Variants in ARMC1 observed in about 807,000 individuals in gnomAD.
The protein encoded by ARMC1 is armadillo repeat-containing protein 1.
ARMC1 carries 16 observed loss-of-function variants against 31.4 expected under a neutral mutation model. The observed-to-expected ratio is 0.51, with a 90% confidence interval of 0.34 to 0.77. The LOEUF is 0.77. Ranked by LOEUF, ARMC1 falls within the 30% of genes least tolerant of loss-of-function variation. The pLI is 0.01. For missense variants in ARMC1, 259 were observed against 347.5 expected (o/e 0.75, Z 2.02); for synonymous variants, 114 against 118.9 (o/e 0.96, Z 0.27).
chr8:65,623,306 T>TAAAAAAAAAAAAAA (rs1563418760), intron 2 of ARMC1, among the ~76,000 whole-genome samples: 1 of 2,662 alleles, frequency 3.8e-4, no homozygotes, highest in African/African-American at 6.8e-3. Context: ...AGACTCCGTC[T>TAAAAAAAAAAAAAA]CAAAAAAAAA....
At chr8:65,604,623 C>A (rs967547192) in intron 6 of ARMC1, 38 bp from the exon 7 acceptor site, 2 of 1,574,466 alleles carry the variant, frequency 1.3e-6, no homozygotes, top group Non-Finnish European at 8.7e-7. Context: ...ACAAAATCAA[C>A]TTTACTCCTT....
At chr8:65,608,080 C>G (rs1340893905) in intron 4 of ARMC1, among the ~76,000 whole-genome samples, 1 of 152,008 alleles carries the variant, frequency 6.6e-6, no homozygotes, top group Non-Finnish European at 1.5e-5. Context: ...GATCATTCTC[C>G]TGGATTTTCT....
chr8:65,615,650 C>T (rs547461114), intron 3 of ARMC1, among the ~76,000 whole-genome samples: 12 of 151,852 alleles, frequency 7.9e-5, no homozygotes, highest in Admixed American at 2.0e-4. Flanking sequence ...GAGGTTGCAG[C>T]GAGCCAAGAT....
At chr8:65,618,907 G>C (rs1348190719) in intron 3 of ARMC1, among the ~76,000 whole-genome samples, 1 of 152,052 alleles carries the variant, frequency 6.6e-6, no homozygotes. Flanking sequence ...GCCGGGCGTG[G>C]TGGCACGTAC....
chr8:65,622,799 A>C (rs1166155643), intron 2 of ARMC1, among the ~76,000 whole-genome samples: 2 of 151,832 alleles, frequency 1.3e-5, no homozygotes, highest in Non-Finnish European at 2.9e-5. Context: ...TGAGGTGGGC[A>C]GATCAAGACC....
chr8:65,604,318 G>T lies in ARMC1; in HGVS notation c.*76C>A. On this transcript the variant is annotated 3_prime_UTR_variant, in exon 7 of 7. Transcript: ENST00000276569. ...TTTTCATGATAACTTATTGCAAATT[G>T]CACTTGACAGTTCACCACAACAATG... is the stretch of plus-strand genomic sequence containing the variant. 1 of 1,369,832 alleles carries T rather than the reference G, an allele frequency of 7.3e-7. No homozygotes were observed. Among genetic ancestry groups the T allele is most frequent in the Non-Finnish European group, 1.0e-6 (1 of 993,934 alleles). The allele number at this position is 1,369,832 out of a possible 1,614,324, so 84.9% of individuals were successfully genotyped here. A position where few individuals can be genotyped will look rare whatever the true frequency, so the allele number is the denominator to read the frequency against.
At position 65,603,054 on chromosome 8, in the gene ARMC1, G is replaced by A. The variant is rs1483326861; in HGVS notation, c.*1340C>T. ...AAATAGTAAAATAGCAGCTCTACAT[G>A]TTGATGAAAAGAAATTTCAATTTCT... On this transcript the variant is annotated 3_prime_UTR_variant, in exon 7 of 7. Coordinates refer to ENST00000276569, the MANE Select transcript of ARMC1 (RefSeq NM_018120.6). The A allele has an allele frequency of 6.6e-6, 1 of 151,974 alleles. No homozygotes were observed. The highest frequency in any genetic ancestry group is 1.5e-5 in the Non-Finnish European group (1 of 67,986). 9.4% of individuals were successfully genotyped at this position (151,974 alleles called of 1,614,324 possible). A position where few individuals can be genotyped will look rare whatever the true frequency, so the allele number is the denominator to read the frequency against.
At chr8:65,615,179 T>G (rs956637536) in intron 3 of ARMC1, among the ~76,000 whole-genome samples, 1 of 152,192 alleles carries the variant, frequency 6.6e-6, no homozygotes, top group Non-Finnish European at 1.5e-5. Flanking sequence ...TCTGAGCCAC[T>G]GTTGACCACA....
rs757871320 is a variant in ARMC1, at chr8:65,634,100, GC to G, written c.-139del. The G allele has an allele frequency of 3.9e-4, 59 of 152,410 alleles. 1 individual carries two copies. Among genetic ancestry groups the G allele is most frequent in the Non-Finnish European group, 1.8e-4 (12 of 68,156 alleles). The allele number at this position is 152,410 out of a possible 1,614,324, so 9.4% of individuals were successfully genotyped here. A position where few individuals can be genotyped will look rare whatever the true frequency, so the allele number is the denominator to read the frequency against. Reference sequence around the variant, plus strand: ...CGCGGAGCGAGCCCTTCGGTTCGCAGCCCCGGCCGCGGCGATCGCAAGCAAC... The same window carrying G: ...CGCGGAGCGAGCCCTTCGGTTCGCAGCCCGGCCGCGGCGATCGCAAGCAAC... On this transcript the variant is annotated 5_prime_UTR_variant, in exon 1 of 7. Coordinates refer to ENST00000276569, the MANE Select transcript of ARMC1 (RefSeq NM_018120.6).
intron 3 of ARMC1, among the ~76,000 whole-genome samples, chr8:65,616,153 C>T (rs934230125): frequency 2.0e-5 from 3 of 152,224 alleles, no homozygotes; most frequent in African/African-American, 7.2e-5. Context: ...TCTCCCCTCT[C>T]CCCTCTTCCC....
chr8:65,606,561 C>G (rs752769199), intron 4 of ARMC1, among the ~76,000 whole-genome samples: 2 of 152,130 alleles, frequency 1.3e-5, no homozygotes, highest in Non-Finnish European at 2.9e-5. Flanking sequence ...ATTGCATTCT[C>G]AAGGGTTAGA....
intron 2 of ARMC1, among the ~76,000 whole-genome samples, chr8:65,623,850 T>C (rs1047628198): frequency 3.4e-5 from 4 of 119,126 alleles, no homozygotes; most frequent in African/African-American, 3.2e-5. Context: ...CAGGCTGGAG[T>C]GAAGTGGCAC....
At chr8:65,614,021 C>T (rs959986333) in intron 3 of ARMC1, among the ~76,000 whole-genome samples, 1 of 151,256 alleles carries the variant, frequency 6.6e-6, no homozygotes, top group African/African-American at 2.4e-5. Context: ...CTAACAAGAT[C>T]AGGTTGTAAC....
intron 3 of ARMC1, among the ~76,000 whole-genome samples, chr8:65,616,561 T>C (rs1397478573): frequency 3.3e-5 from 5 of 152,068 alleles, no homozygotes; most frequent in African/African-American, 1.2e-4. Flanking sequence ...CCACCCCGTC[T>C]GGGAAGTGAG....
chr8:65,616,252 C>T (rs1000137589), intron 3 of ARMC1, among the ~76,000 whole-genome samples: 13 of 152,180 alleles, frequency 8.5e-5, no homozygotes, highest in Non-Finnish European at 1.8e-4. Flanking sequence ...CCTGCCTCAG[C>T]CTGCCGAGTG....
chr8:65,627,002 CA>C (rs139404458), intron 2 of ARMC1, among the ~76,000 whole-genome samples: 30,877 of 137,780 alleles, frequency 0.22, 3,270 homozygotes, highest in Middle Eastern at 0.26. Context: ...CTAGATGACT[CA>C]AAAAAAAAAA....
intron 2 of ARMC1, among the ~76,000 whole-genome samples, chr8:65,626,431 C>A: frequency 8.6e-6 from 1 of 116,904 alleles, no homozygotes; most frequent in South Asian, 2.9e-4. Flanking sequence ...TAGCTACATC[C>A]TATCTCTACT....
At chr8:65,620,475 T>C (rs1420504380) in intron 3 of ARMC1, among the ~76,000 whole-genome samples, 4 of 151,684 alleles carry the variant, frequency 2.6e-5, no homozygotes, top group African/African-American at 9.7e-5. Context: ...CTAATTTTTA[T>C]ATTTTTGGTA....
At chr8:65,605,560 G>C in intron 4 of ARMC1, 22 bp from the exon 5 acceptor site, 1 of 1,518,036 alleles carries the variant, frequency 6.6e-7, no homozygotes, top group Non-Finnish European at 9.1e-7. Flanking sequence ...AAAGCAAATT[G>C]TTATGAAAAT....
Sources: allele counts gnomAD v4.1 joint callset (sites outside exome capture counted in the v4.1 genomes callset), GRCh38; gene constraint gnomAD v4.1.1; transcripts MANE v1.5; gene names NCBI Gene and HGNC (gene_info 2026-07-23, HGNC 2026-07-21).